Variants in SP100 observed in about 807,000 individuals in gnomAD.
SP100 encodes the protein SP100 nuclear body protein, also known as nuclear autoantigen Sp-100.
A neutral mutation model predicts 130.0 loss-of-function variants in SP100; 84 were observed. The observed-to-expected ratio is 0.65, with a 90% CI of 0.54 to 0.77. The LOEUF (loss-of-function observed/expected upper bound fraction) is 0.77. Ranked by LOEUF, SP100 falls within the 30% of genes least tolerant of loss-of-function variation. The pLI is 0.00. For synonymous variants in SP100, 331 were observed against 351.7 expected (o/e 0.94, Z 0.66); for missense variants, 978 against 1,052.2 (o/e 0.93, Z 0.97).
At chr2:230,504,506 G>A (rs2067212268) in intron 21 of SP100, among the ~76,000 whole-genome samples, 1 of 152,134 alleles carries the variant, frequency 6.6e-6, no homozygotes, top group African/African-American at 2.4e-5. Context: ...AATGCACATG[G>A]GGTGAAATTC....
At chr2:230,446,988 A>G (rs1267156659) in intron 5 of SP100, 86 bp downstream of exon 5, 3 of 776,644 alleles carry the variant, frequency 3.9e-6, no homozygotes, top group Admixed American at 2.3e-5. Flanking sequence ...GGGAAGACAT[A>G]TGGAAGGACT....
chr2:230,541,777 AG>A lies in SP100; in HGVS notation c.2404-109del, dbSNP rs547350006. 4.8e-3 allele frequency: 5,471 copies of A among 1,128,698 alleles called. 322 individuals carry two copies. In the South Asian group the frequency reaches 0.082, roughly 17 times the overall value. The allele number at this position is 1,128,698 out of a possible 1,614,324, so 69.9% of individuals were successfully genotyped here. A position where few individuals can be genotyped will look rare whatever the true frequency, so the allele number is the denominator to read the frequency against. ...AGGTCCCACCTCCTAGTACCTTCAC[AG>A]GGGGGTTAGGATTTTGACCTATGGA... On this transcript the variant is annotated intron_variant, in intron 27 of 28. Transcript: ENST00000340126.
intron 24 of SP100, among the ~76,000 whole-genome samples, chr2:230,528,702 G>T (rs1691551710): frequency 6.6e-6 from 1 of 152,056 alleles, no homozygotes; most frequent in Non-Finnish European, 1.5e-5. Flanking sequence ...AAGAAGAAAA[G>T]GGAGAAGAAT....
intron 24 of SP100, among the ~76,000 whole-genome samples, chr2:230,533,947 T>C (rs1691815972): frequency 6.6e-6 from 1 of 152,218 alleles, no homozygotes; most frequent in Non-Finnish European, 1.5e-5. Context: ...AGGTGAAATT[T>C]GGTTTTCTCT....
At chr2:230,443,754 A>G (rs1306012405) in intron 3 of SP100, among the ~76,000 whole-genome samples, 3 of 152,302 alleles carry the variant, frequency 2.0e-5, no homozygotes, top group East Asian at 3.9e-4. Context: ...GGCCAAGTTC[A>G]CAGCAAGGGG....
At chr2:230,524,366 A>AG (rs976215367) in intron 24 of SP100, among the ~76,000 whole-genome samples, 1 of 149,526 alleles carries the variant, frequency 6.7e-6, no homozygotes, top group South Asian at 2.1e-4. Context: ...CAAAAAAAAA[A>AG]AAAAAGAAAA....
At chr2:230,540,745 G>T (rs1029179576) in intron 25 of SP100, 131 bp from the exon 26 acceptor site, 26 of 1,155,526 alleles carry the variant, frequency 2.3e-5, no homozygotes, top group Non-Finnish European at 3.0e-5. Context: ...CTAGTGCAGA[G>T]GCCTCCAAGA....
At chr2:230,447,939 G>A (rs186263891) in intron 5 of SP100, among the ~76,000 whole-genome samples, 236 of 152,258 alleles carry the variant, frequency 1.5e-3, no homozygotes, top group Admixed American at 5.6e-3. Context: ...AATCCTTAGG[G>A]GCTTTCCAAA....
rs1692269723 is a variant in SP100, at chr2:230,544,881, T to C, written c.*1935T>C. On this transcript the variant is annotated 3_prime_UTR_variant, in exon 29 of 29. Transcript: ENST00000340126. ...AGAGACATGCAAATTAAAACTACAA[T>C]GAGACACCATCTCACACCAGTCAAA... is the stretch of plus-strand genomic sequence containing the variant. 6.6e-6 allele frequency among the ~76,000 whole-genome samples: 1 copy of C among 152,166 alleles called. No homozygotes were observed. Among genetic ancestry groups the C allele is most frequent in the African/African-American group, 2.4e-5 (1 of 41,444 alleles).
chr2:230,448,403 A>G (rs1169582313), intron 5 of SP100, among the ~76,000 whole-genome samples: 1 of 152,214 alleles, frequency 6.6e-6, no homozygotes, highest in East Asian at 1.9e-4. Flanking sequence ...TATTACTTAT[A>G]TGCCTATTTT....
chr2:230,507,976 T>C lies in SP100; in HGVS notation c.2014-17T>C, dbSNP rs753952926. On this transcript the variant is annotated splice_polypyrimidine_tract_variant and intron_variant, in intron 22 of 28. Transcript: ENST00000340126. ...AAGCAAGAACCCATCAAATCATTTA[T>C]CTCTTTTCTTTTTTAGAACAAATTT... is the stretch of plus-strand genomic sequence containing the variant. The C allele has an allele frequency of 5.0e-6, 8 of 1,612,162 alleles. No individual in the cohort carries two copies. Among genetic ancestry groups the C allele is most frequent in the South Asian group, 2.2e-5 (2 of 90,796 alleles).
chr2:230,468,355 G>T (rs1245010460), intron 13 of SP100, among the ~76,000 whole-genome samples: 2 of 152,190 alleles, frequency 1.3e-5, no homozygotes, highest in African/African-American at 2.4e-5. Flanking sequence ...ATCCAGGGAA[G>T]AATCCCATTC....
rs1168420700 is a variant in SP100 at position 230,480,346 on chromosome 2, C to T, written c.1600+5899C>T. Among the ~76,000 whole-genome samples the T allele has an allele frequency of 2.0e-5, 3 of 152,002 alleles. No homozygotes were observed. In the East Asian group the frequency reaches 5.8e-4, roughly 29 times the overall value. On this transcript the variant is annotated intron_variant, in intron 17 of 28. Coordinates refer to ENST00000340126, the MANE Select transcript of SP100 (RefSeq NM_001080391.2). ...GATTGTACAAAATATGTACTTAAAG[C>T]AAGCAAAGAAAAAACATTAAAAATA...
At chr2:230,423,258 T>C (rs1206456100) in intron 2 of SP100, among the ~76,000 whole-genome samples, 1 of 152,216 alleles carries the variant, frequency 6.6e-6, no homozygotes, top group African/African-American at 2.4e-5. Flanking sequence ...AAAAAGTAAC[T>C]ATTTCCCTAG....
intron 11 of SP100, among the ~76,000 whole-genome samples, chr2:230,465,516 C>T (rs2064897751): frequency 6.6e-6 from 1 of 152,196 alleles, no homozygotes; most frequent in Admixed American, 6.5e-5. Context: ...CATATGTTCT[C>T]ACTTGTAAGT....
At chr2:230,505,902 G>T (rs972070542) in intron 21 of SP100, among the ~76,000 whole-genome samples, 1 of 152,146 alleles carries the variant, frequency 6.6e-6, no homozygotes, top group Non-Finnish European at 1.5e-5. Flanking sequence ...CAAGAGCATG[G>T]TAGAGGGCTT....
At chr2:230,526,982 C>T (rs999597147) in intron 24 of SP100, among the ~76,000 whole-genome samples, 3 of 152,136 alleles carry the variant, frequency 2.0e-5, no homozygotes, top group African/African-American at 7.2e-5. Context: ...GAGAATGGAA[C>T]CAAGTTAGAA....
Position 230,503,128 on chromosome 2 carries a change from A to C in SP100, c.1765+18A>C. The C allele has an allele frequency of 6.5e-7, 1 of 1,547,602 alleles. No individual in the cohort carries two copies. ...AAAAAGAGGTAAATAGAAGTGATCG[A>C]TATGTTTTTCATAATTAAACATTTA... On this transcript the variant is annotated intron_variant, in intron 20 of 28. Coordinates refer to ENST00000340126, the MANE Select transcript of SP100 (RefSeq NM_001080391.2).
intron 24 of SP100, among the ~76,000 whole-genome samples, chr2:230,522,646 G>T (rs1345772399): frequency 6.6e-6 from 1 of 150,908 alleles, no homozygotes; most frequent in Non-Finnish European, 1.5e-5. Context: ...ACACCACCAC[G>T]CCCAGCTAAT....
Sources: allele counts gnomAD v4.1 joint callset (sites outside exome capture counted in the v4.1 genomes callset), GRCh38; gene constraint gnomAD v4.1.1; transcripts MANE v1.5; gene names NCBI Gene and HGNC (gene_info 2026-07-23, HGNC 2026-07-21).